Variants in DYNC2H1 observed in about 807,000 individuals in gnomAD.
The protein encoded by DYNC2H1 is cytoplasmic dynein 2 heavy chain 1.
A neutral mutation model predicts 570.0 loss-of-function variants in DYNC2H1; 410 were observed. The ratio of observed to expected loss-of-function variants is 0.72; its 90% CI spans 0.66 to 0.78. The LOEUF (loss-of-function observed/expected upper bound fraction) is 0.78. Among genes scored for constraint, DYNC2H1 ranks in the 30% least tolerant of loss-of-function variants. DYNC2H1 has a pLI of 0.00. For synonymous variants in DYNC2H1, 1,688 were observed against 1,677.6 expected (o/e 1.01, Z -0.15); for missense variants, 4,865 against 5,046.4 (o/e 0.96, Z 1.09).
At chr11:103,338,498 A>G (rs1939273656) in intron 82 of DYNC2H1, among the ~76,000 whole-genome samples, 1 of 152,166 alleles carries the variant, frequency 6.6e-6, no homozygotes, top group South Asian at 2.1e-4. Context: ...CCATGAACAT[A>G]GGATATCTTT....
At chr11:103,293,809 G>C (rs550176683) in intron 75 of DYNC2H1, among the ~76,000 whole-genome samples, 5 of 152,048 alleles carry the variant, frequency 3.3e-5, no homozygotes, top group Non-Finnish European at 5.9e-5. Flanking sequence ...AGGCACAGTG[G>C]CTCACACCTG....
At chr11:103,355,936 T>G (rs1940315044) in intron 82 of DYNC2H1, among the ~76,000 whole-genome samples, 2 of 152,116 alleles carry the variant, frequency 1.3e-5, no homozygotes, top group African/African-American at 4.8e-5. Context: ...TCTCAAACTC[T>G]TAGCCTCAAG....
chr11:103,353,495 T>G (rs1940153071), intron 82 of DYNC2H1, among the ~76,000 whole-genome samples: 1 of 152,214 alleles, frequency 6.6e-6, no homozygotes, highest in Non-Finnish European at 1.5e-5. Context: ...TTTTATTATC[T>G]ACAACATCTG....
In DYNC2H1 at chr11:103,236,465, G is replaced by C; in HGVS notation, c.9745G>C (p.Glu3249Gln). Reference sequence around the variant, plus strand: ...GAGGAGATTTCTTTGTACTGAAAGTGAGCAGTTAATTTGGAAAAGTGAAGG... The same window carrying C: ...GAGGAGATTTCTTTGTACTGAAAGTCAGCAGTTAATTTGGAAAAGTGAAGG... The part of the protein sequence containing the change: ...DLRRFLCTES[E>Q]QLIWKSEGLP... The change falls in exon 63 of 89, where the codon GAG (glutamate) becomes CAG (glutamine). Residue 3249 changes from glutamate (E) to glutamine (Q), a missense_variant. This residue lies in a region of DYNC2H1 where 2,401 missense variants were observed against 2,454.6 expected (regional missense o/e 0.98). Transcript: ENST00000375735. 6.2e-7 allele frequency: 1 copy of C among 1,609,746 alleles called. No individual in the cohort carries two copies. The highest frequency in any genetic ancestry group is 8.5e-7 in the Non-Finnish European group (1 of 1,176,842).
chr11:103,216,109 G>T (rs566642446), intron 55 of DYNC2H1, among the ~76,000 whole-genome samples: 3 of 152,094 alleles, frequency 2.0e-5, no homozygotes, highest in South Asian at 2.1e-4. Context: ...TTTTAAATTG[G>T]CATGGATCTG....
Position 103,186,411 on chromosome 11 carries a change from T to C in DYNC2H1, c.6803T>C (p.Met2268Thr), listed in dbSNP as rs1591376770. ...LTLPVIQTPD[M>T]QRGLDYFKPW... Reference sequence around the variant, plus strand: ...CTTCCAGTCATTCAGACTCCTGACATGCAACGAGGTCTAGATTATTTCAAA... The same window carrying C: ...CTTCCAGTCATTCAGACTCCTGACACGCAACGAGGTCTAGATTATTTCAAA... Residue 2268 changes from methionine to threonine, a missense_variant, in exon 42 of 89, where the codon ATG (methionine) becomes ACG (threonine). By Grantham distance (81) the Met-to-Thr change is moderately conservative. Around this residue, in one of 5 missense-constraint regions of DYNC2H1, gnomAD observed 2,401 missense variants for 2,454.6 expected, o/e 0.98. Coordinates refer to ENST00000375735, the MANE Select transcript of DYNC2H1 (RefSeq NM_001377.3). This position sits in a 1 kb window ranked among gnomAD's most constrained non-coding sequence, Gnocchi z 4.5. The C allele has an allele frequency of 3.1e-6, 5 of 1,612,754 alleles. No homozygotes were observed. The highest frequency in any genetic ancestry group is 2.7e-5 in the African/African-American group (2 of 74,842).
In DYNC2H1 at chr11:103,318,538, G is replaced by C. The variant is rs117576743; in HGVS notation, c.11725+1918G>C. Among the ~76,000 whole-genome samples, 15 of 152,182 alleles carry C rather than the reference G, an allele frequency of 9.9e-5. No homozygotes were observed. In the East Asian group the frequency reaches 2.7e-3, roughly 27 times the overall value. On this transcript the variant is annotated intron_variant, in intron 80 of 88. Coordinates refer to ENST00000375735, the MANE Select transcript of DYNC2H1 (RefSeq NM_001377.3). ...TTGTGTAATTATATGTATTTCTGTTGATGGACATGCTGGTAGTTTTGAGTT... is the reference window on the plus strand; with the variant it reads ...TTGTGTAATTATATGTATTTCTGTTCATGGACATGCTGGTAGTTTTGAGTT...
intron 83 of DYNC2H1, among the ~76,000 whole-genome samples, chr11:103,385,419 T>C (rs1325907507): frequency 6.6e-6 from 1 of 152,154 alleles, no homozygotes. Flanking sequence ...GTTCACTGTT[T>C]TTTTTCAGCT....
At chr11:103,400,747 AAAT>A (rs1267119262) in intron 84 of DYNC2H1, among the ~76,000 whole-genome samples, 2 of 152,132 alleles carry the variant, frequency 1.3e-5, no homozygotes, top group African/African-American at 4.8e-5. Flanking sequence ...TTTGAATATA[AAAT>A]AATAGCCTTC....
intron 88 of DYNC2H1, among the ~76,000 whole-genome samples, chr11:103,478,549 G>A (rs1393013989): frequency 1.3e-5 from 2 of 152,118 alleles, no homozygotes; most frequent in East Asian, 1.9e-4. Flanking sequence ...ACAGAGCAAC[G>A]TGATACCATG....
intron 83 of DYNC2H1, among the ~76,000 whole-genome samples, chr11:103,359,640 CA>C (rs1415457107): frequency 1.3e-5 from 2 of 151,214 alleles, no homozygotes; most frequent in Non-Finnish European, 2.9e-5. Context: ...TGCCTTTCCC[CA>C]AACCCTCATT....
chr11:103,343,869 T>C (rs1191081782), intron 82 of DYNC2H1, among the ~76,000 whole-genome samples: 1 of 152,254 alleles, frequency 6.6e-6, no homozygotes, highest in Non-Finnish European at 1.5e-5. Flanking sequence ...GTTTGTGATT[T>C]GGTTTCATGG....
chr11:103,364,145 T>C (rs906314591), intron 83 of DYNC2H1, among the ~76,000 whole-genome samples: 1 of 152,210 alleles, frequency 6.6e-6, no homozygotes, highest in Non-Finnish European at 1.5e-5. Context: ...ATTAACAATA[T>C]GTGTAAAGAA....
intron 12 of DYNC2H1, among the ~76,000 whole-genome samples, chr11:103,126,185 T>C (rs1858989377): frequency 6.6e-6 from 1 of 152,226 alleles, no homozygotes; most frequent in South Asian, 2.1e-4. Flanking sequence ...GCATAGGATA[T>C]AAAAATGAAT....
At chr11:103,221,619 C>T (rs193217579) in intron 57 of DYNC2H1, among the ~76,000 whole-genome samples, 3 of 152,294 alleles carry the variant, frequency 2.0e-5, no homozygotes, top group Non-Finnish European at 2.9e-5. Context: ...AATCCCAGCA[C>T]TTTGGGAGGC....
chr11:103,259,737 T>A, intron 69 of DYNC2H1, 151 bp from the exon 70 acceptor site: 1 of 499,120 alleles, frequency 2.0e-6, no homozygotes, highest in Non-Finnish European at 3.5e-6. Context: ...ATTATATTAG[T>A]ATACAAGTTT....
Position 103,414,928 on chromosome 11 carries a change from T to C in DYNC2H1, c.12366+15056T>C, listed in dbSNP as rs1221477594. 2.6e-5 allele frequency among the ~76,000 whole-genome samples: 4 copies of C among 152,134 alleles called. No individual in the cohort carries two copies. The East Asian group carries it at 5.8e-4, about 22-fold the overall frequency. On this transcript the variant is annotated intron_variant, in intron 84 of 88. Transcript: ENST00000375735. ...AAAATTCCATGCTTATGTACCACCA[T>C]AGAATCAATATCATGAAAATGGCAG...
intron 14 of DYNC2H1, 92 bp from the exon 15 acceptor site, chr11:103,134,229 T>G (rs1859421457): frequency 2.0e-5 from 22 of 1,075,018 alleles, no homozygotes; most frequent in Non-Finnish European, 3.1e-5. Flanking sequence ...ACTTGATCAC[T>G]TGGTTAAGGT....
At chr11:103,450,580 A>G (rs1488132342) in intron 85 of DYNC2H1, among the ~76,000 whole-genome samples, 4 of 152,230 alleles carry the variant, frequency 2.6e-5, no homozygotes, top group Non-Finnish European at 5.9e-5. Flanking sequence ...ATACTTGTAA[A>G]TAACCCATGG....
Sources: gnomAD v4.1 joint callset for allele counts (sites outside exome capture counted in the v4.1 genomes callset) on GRCh38, gnomAD v4.1.1 for gene constraint, gnomAD v4.1.1 regional missense constraint, Gnocchi (gnomAD v3.1) non-coding constraint, MANE v1.5 for transcripts, NCBI Gene and HGNC (gene_info 2026-07-23, HGNC 2026-07-21) for gene names.